RBM33: variants seen among roughly 807,000 people sequenced by gnomAD.
RBM33 encodes RNA-binding protein 33.
RBM33 carries 28 observed loss-of-function variants against 132.6 expected under a neutral mutation model. That is an observed-to-expected ratio of 0.21 (90% CI 0.16 to 0.29). The LOEUF is 0.29. Ranked by LOEUF, RBM33 falls within the 10% of genes least tolerant of loss-of-function variation. The pLI, the probability that RBM33 is intolerant of heterozygous loss-of-function variation, is 1.00. For synonymous variants in RBM33, 634 were observed against 593.0 expected (o/e 1.07, Z -1.01); for missense variants, 1,291 against 1,518.5 (o/e 0.85, Z 2.49).
intron 5 of RBM33, among the ~76,000 whole-genome samples, chr7:155,685,585 C>T (rs1356572503): frequency 6.6e-6 from 1 of 152,128 alleles, no homozygotes; most frequent in Admixed American, 6.6e-5. Context: ...GAGGAAACCC[C>T]GTGGGGAGAG....
chr7:155,712,304 G>A lies in RBM33; in HGVS notation c.1201+849G>A, dbSNP rs148308322. Among the ~76,000 whole-genome samples, 66 of 152,292 alleles carry A rather than the reference G, an allele frequency of 4.3e-4. 1 individual carries two copies. The highest frequency in any genetic ancestry group is 1.7e-3 in the East Asian group (9 of 5,184). ...AAACATGTTCCTTAAGCTAGGAAAC[G>A]GTTTTTGAGCAGTTTATACGAAGCT... On this transcript the variant is annotated intron_variant, in intron 8 of 17. Coordinates refer to ENST00000401878, the MANE Select transcript of RBM33 (RefSeq NM_053043.3).
In RBM33 at chr7:155,779,949, G is replaced by A. The variant is rs1802757568; in HGVS notation, c.*4908G>A. On this transcript the variant is annotated 3_prime_UTR_variant, in exon 18 of 18. Coordinates refer to ENST00000401878, the MANE Select transcript of RBM33 (RefSeq NM_053043.3). ...TTTTACTGATTTTAAAAGGTATATA[G>A]AAAAATGTAGGCCTTTAAAAAGAAA... is the stretch of plus-strand genomic sequence containing the variant. 1 of 152,120 alleles carries A rather than the reference G, an allele frequency of 6.6e-6. No individual in the cohort carries two copies. Among genetic ancestry groups the A allele is most frequent in the South Asian group, 2.1e-4 (1 of 4,834 alleles). The allele number at this position is 152,120 out of a possible 1,614,324, so 9.4% of individuals were successfully genotyped here.
chr7:155,663,850 G>T (rs1383094724), intron 1 of RBM33, among the ~76,000 whole-genome samples: 4 of 152,084 alleles, frequency 2.6e-5, no homozygotes, highest in Non-Finnish European at 4.4e-5. Context: ...TTCTTTGCTT[G>T]TATGTATGTC....
At chr7:155,738,578 C>G in intron 11 of RBM33, 175 bp downstream of exon 11, 1 of 642,944 alleles carries the variant, frequency 1.6e-6, no homozygotes, top group Non-Finnish European at 2.6e-6. Flanking sequence ...TGTTACTTAT[C>G]TCAATACAAG....
intron 15 of RBM33, among the ~76,000 whole-genome samples, chr7:155,765,494 A>G (rs1232135872): frequency 2.0e-5 from 3 of 152,142 alleles, no homozygotes; most frequent in Admixed American, 2.0e-4. Context: ...GTGCGTGCAC[A>G]CTCAAGTCCT....
At chr7:155,752,720 G>A (rs1426990603) in intron 14 of RBM33, among the ~76,000 whole-genome samples, 1 of 152,184 alleles carries the variant, frequency 6.6e-6, no homozygotes, top group Non-Finnish European at 1.5e-5. Flanking sequence ...TTCGGTTGGG[G>A]TTAGAATTTG....
chr7:155,714,317 C>A (rs1004522297), intron 8 of RBM33, among the ~76,000 whole-genome samples: 1 of 152,040 alleles, frequency 6.6e-6, no homozygotes, highest in Non-Finnish European at 1.5e-5. Context: ...GGAGAAGACA[C>A]CAGGGAGGAG....
intron 9 of RBM33, among the ~76,000 whole-genome samples, chr7:155,734,137 C>T (rs1401995717): frequency 2.0e-5 from 3 of 152,200 alleles, no homozygotes; most frequent in East Asian, 1.9e-4. Flanking sequence ...TCAAGAACAT[C>T]GACAGACCCA....
chr7:155,757,406 A>G (rs893616441), intron 14 of RBM33, among the ~76,000 whole-genome samples: 7 of 152,232 alleles, frequency 4.6e-5, no homozygotes, highest in African/African-American at 1.7e-4. Flanking sequence ...ACAACCTTTT[A>G]CTTATGTTCA....
intron 3 of RBM33, among the ~76,000 whole-genome samples, chr7:155,673,945 T>TGTTTTTGTTTTTTTTG: frequency 1.1e-5 from 1 of 88,480 alleles, no homozygotes; most frequent in Non-Finnish European, 2.2e-5. Flanking sequence ...GCTTAGTTTT[T>TGTTTTTGTTTTTTTTG]TTTTTTTTTT....
chr7:155,682,001 A>T (rs912642849), intron 5 of RBM33, among the ~76,000 whole-genome samples: 8 of 151,590 alleles, frequency 5.3e-5, no homozygotes, highest in African/African-American at 1.9e-4. Context: ...ACTCACTGCA[A>T]CCTCCACCTT....
chr7:155,759,468 A>G (rs1388444118), intron 14 of RBM33, among the ~76,000 whole-genome samples: 1 of 131,818 alleles, frequency 7.6e-6, no homozygotes, highest in Non-Finnish European at 1.5e-5. Flanking sequence ...CCCAGGCTGG[A>G]GTGCAGTGGT....
rs778741623 is a variant in RBM33, at chr7:155,711,247, G to A, written c.993G>A (p.Pro331=). The change falls in exon 8 of 18, where the codon CCG becomes CCA. Residue 331 remains proline (P), a synonymous_variant. Transcript: ENST00000401878. Reference sequence around the variant, plus strand: ...CGCCACCGCCGCCTCAGCAGCAGCCGATCAGAAGCCTGTTCCAGCCGCAGC... The same window carrying A: ...CGCCACCGCCGCCTCAGCAGCAGCCAATCAGAAGCCTGTTCCAGCCGCAGC... ...PPPPPPPQQQ[P]IRSLFQPQPL... 7 of 1,597,410 alleles carry A rather than the reference G, an allele frequency of 4.4e-6. No homozygotes were observed. The highest frequency in any genetic ancestry group is 1.4e-5 in the African/African-American group (1 of 73,792).
chr7:155,705,685 C>T (rs1800092734), intron 6 of RBM33, among the ~76,000 whole-genome samples: 2 of 152,120 alleles, frequency 1.3e-5, no homozygotes, highest in Admixed American at 1.3e-4. Flanking sequence ...ATCTGTTGTC[C>T]CAATTTAGCT....
intron 14 of RBM33, among the ~76,000 whole-genome samples, chr7:155,753,532 G>T (rs993760816): frequency 2.6e-5 from 4 of 152,162 alleles, no homozygotes; most frequent in Non-Finnish European, 5.9e-5. Context: ...GGCAGCGCCT[G>T]GGAGTGGATG....
intron 14 of RBM33, among the ~76,000 whole-genome samples, chr7:155,759,974 G>C (rs561067083): frequency 6.6e-6 from 1 of 152,192 alleles, no homozygotes; most frequent in Non-Finnish European, 1.5e-5. Flanking sequence ...TGGGCTGAAA[G>C]TTGGCCTTTT....
intron 1 of RBM33, among the ~76,000 whole-genome samples, chr7:155,655,534 C>CTTTTTTTTTTTT (rs756948005): frequency 5.4e-4 from 43 of 80,106 alleles, no homozygotes; most frequent in East Asian, 8.7e-4. Flanking sequence ...GGCTGTTTGC[C>CTTTTTTTTTTTT]TTTTTTTTTT....
At chr7:155,662,195 C>T (rs957992994) in intron 1 of RBM33, among the ~76,000 whole-genome samples, 6 of 152,120 alleles carry the variant, frequency 3.9e-5, no homozygotes, top group South Asian at 2.1e-4. Flanking sequence ...GCACACCTTC[C>T]GTAATGCTCT....
rs1402464607 is a variant in RBM33 at position 155,779,505 on chromosome 7, C to T, written c.*4464C>T. 1 of 152,182 alleles carries T rather than the reference C, an allele frequency of 6.6e-6. No individual in the cohort carries two copies. Among genetic ancestry groups the T allele is most frequent in the Non-Finnish European group, 1.5e-5 (1 of 68,022 alleles). The allele number at this position is 152,182 out of a possible 1,614,324, so 9.4% of individuals were successfully genotyped here. ...TTTTGGACATTCTTAAATATGAATT[C>T]TCCAAAGGCATTTAGCCTTGACTTA... On this transcript the variant is annotated 3_prime_UTR_variant, in exon 18 of 18. Coordinates refer to ENST00000401878, the MANE Select transcript of RBM33 (RefSeq NM_053043.3).
Sources: gnomAD v4.1 joint callset for allele counts (sites outside exome capture counted in the v4.1 genomes callset) on GRCh38, gnomAD v4.1.1 for gene constraint, MANE v1.5 for transcripts, NCBI Gene and HGNC (gene_info 2026-07-23, HGNC 2026-07-21) for gene names.